PLEKHA7: variants seen among roughly 807,000 people sequenced by gnomAD.
The protein encoded by PLEKHA7 is pleckstrin homology domain-containing family A member 7.
PLEKHA7 carries 104 observed loss-of-function variants against 170.0 expected under a neutral mutation model. That is an observed-to-expected ratio of 0.61 (90% CI 0.52 to 0.72). The LOEUF is 0.72. PLEKHA7 is among the 30% of genes least tolerant of loss of function. The pLI is 0.00. For synonymous variants in PLEKHA7, 648 were observed against 660.8 expected, an observed-to-expected ratio of 0.98 and a Z score of 0.30; for missense variants, 1,615 against 1,671.7, an observed-to-expected ratio of 0.97 and a Z score of 0.59.
chr11:16,887,522 T>C (rs1856223693), intron 3 of PLEKHA7, among the ~76,000 whole-genome samples: 1 of 152,204 alleles, frequency 6.6e-6, no homozygotes, highest in Admixed American at 6.5e-5. Flanking sequence ...GCCTGCCCAG[T>C]GCCTGGGATT....
chr11:16,813,306 G>A (rs1025003072), intron 12 of PLEKHA7, 140 bp from the exon 13 acceptor site: 13 of 592,280 alleles, frequency 2.2e-5, no homozygotes, highest in Non-Finnish European at 3.9e-5. Context: ...AGGGGCCACA[G>A]AGGAAGCACA....
At chr11:16,953,806 C>A (rs921837223) in intron 3 of PLEKHA7, among the ~76,000 whole-genome samples, 5 of 152,202 alleles carry the variant, frequency 3.3e-5, no homozygotes, top group African/African-American at 1.2e-4. Context: ...GTCTATTCTT[C>A]ACTGTGCAGG....
intron 3 of PLEKHA7, among the ~76,000 whole-genome samples, chr11:16,908,318 C>G (rs1030254799): frequency 2.0e-5 from 3 of 149,990 alleles, no homozygotes; most frequent in Non-Finnish European, 4.4e-5. Context: ...TAGAGTGGAT[C>G]CTCATCCAAT....
intron 3 of PLEKHA7, among the ~76,000 whole-genome samples, chr11:16,994,743 C>T (rs934704059): frequency 3.9e-5 from 6 of 152,118 alleles, no homozygotes; most frequent in South Asian, 2.1e-4. Flanking sequence ...ACCAACAAAT[C>T]CCTGCTTGTT....
intron 4 of PLEKHA7, among the ~76,000 whole-genome samples, chr11:16,863,375 AAAC>A (rs1334340641): frequency 2.0e-5 from 3 of 152,204 alleles, no homozygotes; most frequent in African/African-American, 7.2e-5. Context: ...ACCCCAATGG[AAAC>A]AACAAGCTAA....
chr11:17,000,153 G>A lies in PLEKHA7; in HGVS notation c.221+13836C>T, dbSNP rs557340824. On this transcript the variant is annotated intron_variant, in intron 3 of 26. Transcript: ENST00000531066. ...GACTGAAGTGCAGTGGTGGAATCTC[G>A]GCTCACTGTAACCTCTGTCTCCCAG... Among the ~76,000 whole-genome samples, 15 of 152,256 alleles carry A rather than the reference G, an allele frequency of 9.9e-5. 1 individual carries two copies. In the East Asian group the frequency reaches 2.3e-3, roughly 23 times the overall value.
chr11:16,948,107 A>T (rs1180736519), intron 3 of PLEKHA7, among the ~76,000 whole-genome samples: 1 of 152,160 alleles, frequency 6.6e-6, no homozygotes, highest in Admixed American at 6.5e-5. Context: ...TCTCAATTAC[A>T]TGTAGAGTGT....
intron 16 of PLEKHA7, 59 bp from the exon 17 acceptor site, chr11:16,801,134 C>A (rs1590162919): frequency 6.9e-7 from 1 of 1,440,488 alleles, no homozygotes; most frequent in South Asian, 1.1e-5. Context: ...TGGAAGGCCT[C>A]ACGAACACCT....
intron 3 of PLEKHA7, among the ~76,000 whole-genome samples, chr11:16,875,230 C>T (rs1855184714): frequency 6.6e-6 from 1 of 152,166 alleles, no homozygotes; most frequent in Non-Finnish European, 1.5e-5. Context: ...ACTATGCTTA[C>T]ATTCATCATC....
intron 24 of PLEKHA7, among the ~76,000 whole-genome samples, chr11:16,785,830 A>G (rs1590110923): frequency 6.6e-6 from 1 of 152,154 alleles, no homozygotes; most frequent in African/African-American, 2.4e-5. Flanking sequence ...AGTTGGCCTC[A>G]CCAGCCAGTT....
intron 10 of PLEKHA7, among the ~76,000 whole-genome samples, chr11:16,819,454 T>C (rs920900562): frequency 6.6e-6 from 1 of 152,210 alleles, no homozygotes; most frequent in Non-Finnish European, 1.5e-5. Context: ...GTATGGAATT[T>C]TACTAAGCCT....
chr11:16,782,912 A>G lies in PLEKHA7; in HGVS notation c.3651-16T>C. The G allele has an allele frequency of 2.0e-6, 3 of 1,535,044 alleles. No homozygotes were observed. The highest frequency in any genetic ancestry group is 1.7e-6 in the Non-Finnish European group (2 of 1,146,072). ...GTTGCACATGCTGTAGGAGGGTCGG[A>G]AGCAGACCATGGGCCCTCCTGCCCT... On this transcript the variant is annotated splice_polypyrimidine_tract_variant and intron_variant, in intron 25 of 26. Transcript: ENST00000531066.
At chr11:16,781,994 C>T (rs1849055295) in intron 26 of PLEKHA7, among the ~76,000 whole-genome samples, 1 of 152,128 alleles carries the variant, frequency 6.6e-6, no homozygotes, top group African/African-American at 2.4e-5. Flanking sequence ...ACAAGGCACA[C>T]ACAAGCAGGT....
At chr11:16,823,638 T>A (rs1367500383) in intron 10 of PLEKHA7, among the ~76,000 whole-genome samples, 5 of 152,164 alleles carry the variant, frequency 3.3e-5, no homozygotes, top group Non-Finnish European at 7.4e-5. Context: ...CATATCTACC[T>A]ATTAACCAAG....
intron 3 of PLEKHA7, among the ~76,000 whole-genome samples, chr11:16,958,682 G>A (rs1861857649): frequency 6.6e-6 from 1 of 152,170 alleles, no homozygotes; most frequent in African/African-American, 2.4e-5. Flanking sequence ...TATACATGGA[G>A]AATGTAAGAC....
At chr11:16,867,306 C>G (rs1394769500) in intron 4 of PLEKHA7, among the ~76,000 whole-genome samples, 1 of 152,168 alleles carries the variant, frequency 6.6e-6, no homozygotes, top group Non-Finnish European at 1.5e-5. Context: ...GTTCTAACAC[C>G]TTCTCAGGTG....
At chr11:16,795,851 CTTT>C (rs1179377641) in intron 17 of PLEKHA7, among the ~76,000 whole-genome samples, 1 of 93,074 alleles carries the variant, frequency 1.1e-5, no homozygotes, top group Non-Finnish European at 2.0e-5. Flanking sequence ...CAGTTTTTTC[CTTT>C]TTTTTTTTTT....
intron 23 of PLEKHA7, chr11:16,788,142 T>C (rs926423018): frequency 6.6e-6 from 1 of 152,646 alleles, no homozygotes. Flanking sequence ...CCTCTGCCAA[T>C]GACTGTGGCG....
intron 10 of PLEKHA7, among the ~76,000 whole-genome samples, chr11:16,822,204 T>C (rs1264995990): frequency 6.6e-6 from 1 of 152,176 alleles, no homozygotes; most frequent in Non-Finnish European, 1.5e-5. Context: ...TATCACTGCA[T>C]ATCAGTCACC....
Sources: allele counts gnomAD v4.1 joint callset (sites outside exome capture counted in the v4.1 genomes callset), GRCh38; gene constraint gnomAD v4.1.1; transcripts MANE v1.5; gene names NCBI Gene and HGNC (gene_info 2026-07-23, HGNC 2026-07-21).